The following PRDM8 variants were observed in gnomAD, a reference collection of about 807,000 sequenced individuals.
The protein encoded by PRDM8 is PR domain zinc finger protein 8.
Under a neutral mutation model 46.5 loss-of-function variants are expected in PRDM8, and 13 were observed. The ratio of observed to expected loss-of-function variants is 0.28; its 90% CI spans 0.18 to 0.44. PRDM8 has a LOEUF of 0.44. Ranked by LOEUF, PRDM8 falls within the 20% of genes least tolerant of loss-of-function variation. The pLI is 1.00. For synonymous variants in PRDM8, 473 were observed against 438.4 expected (o/e 1.08, Z -0.98); for missense variants, 998 against 955.0 (o/e 1.04, Z -0.59).
In PRDM8 at chr4:80,202,030, C is replaced by T; in HGVS notation, c.568C>T (p.Gln190Ter). Residue 190 changes from glutamine to a stop codon, truncating the protein, a stop_gained, in exon 4 of 4, where the codon CAA becomes TAA. Transcript: ENST00000415738. LOFTEE classifies it high-confidence loss of function. ...KRLHSADISPQDEQGGGVGTK... is the reference protein window; with the variant it reads ...KRLHSADISP ...ACTTCACAGCGCTGATATAAGTCCC[C>T]AAGACGAACAAGGCGGCGGCGTGGG... The T allele has an allele frequency of 3.1e-6, 5 of 1,614,130 alleles. No homozygotes were observed. Among genetic ancestry groups the T allele is most frequent in the Non-Finnish European group, 4.2e-6 (5 of 1,180,022 alleles).
chr4:80,201,877 CGT>C, intron 3 of PRDM8, 35 bp from the exon 4 acceptor site: 4 of 1,387,672 alleles, frequency 2.9e-6, no homozygotes, highest in African/African-American at 1.8e-5. Flanking sequence ...TGTGTGTGTG[CGT>C]GCGTGCGTGT....
rs1455395711 is a variant in PRDM8, at chr4:80,202,310, TCAGCAGCGGTAG to T, written c.850_861del (p.Ser284_Ser287del). The T allele has an allele frequency of 1.2e-5, 20 of 1,601,772 alleles. No homozygotes were observed. The highest frequency in any genetic ancestry group is 3.3e-4 in the Middle Eastern group (2 of 6,012). On this transcript the variant is annotated inframe_deletion, in exon 4 of 4. Transcript: ENST00000415738. ...AGCAGCTGCTCCCCAGCCCAGAGCC[TCAGCAGCGGTAG>T]CGGCAGCGGCGGCGGCGGCGGCCAC...
intron 1 of PRDM8, among the ~76,000 whole-genome samples, chr4:80,198,980 GTTTTTTTTTTTTTGTT>G (rs1172337351): frequency 0.026 from 2,707 of 104,156 alleles, 121 homozygotes; most frequent in African/African-American, 0.09. Context: ...GTTTTTTTGG[GTTTTTTTTTTTTTGTT>G]TTTTTTTTTT....
intron 1 of PRDM8, among the ~76,000 whole-genome samples, chr4:80,189,324 G>A (rs914873680): frequency 1.3e-5 from 2 of 151,986 alleles, no homozygotes; most frequent in African/African-American, 4.8e-5. Flanking sequence ...CAGGCCTAAA[G>A]AAAGAACTTG....
chr4:80,192,479 G>T (rs1479425742), intron 2 of PRDM8, among the ~76,000 whole-genome samples: 1 of 152,138 alleles, frequency 6.6e-6, no homozygotes, highest in Non-Finnish European at 1.5e-5. Flanking sequence ...ACACCAATTT[G>T]AGACTGCTAG....
In PRDM8 at chr4:80,197,714, C is replaced by G; in HGVS notation, c.-52C>G. On this transcript the variant is annotated 5_prime_UTR_variant, in exon 1 of 4. Transcript: ENST00000415738. Reference sequence around the variant, plus strand: ...AAAGGAAACACTCGATTGCATCTTCCCGGTTCCAGGTGGCCTTATTTGGGA... The same window carrying G: ...AAAGGAAACACTCGATTGCATCTTCGCGGTTCCAGGTGGCCTTATTTGGGA... 1 of 982,636 alleles carries G rather than the reference C, an allele frequency of 1.0e-6. No homozygotes were observed. Among genetic ancestry groups the G allele is most frequent in the Non-Finnish European group, 1.2e-6 (1 of 827,010 alleles). The allele number at this position is 982,636 out of a possible 1,614,324, so 60.9% of individuals were successfully genotyped here.
At chr4:80,199,695 G>GTA (rs745873617) in intron 1 of PRDM8, among the ~76,000 whole-genome samples, 6,936 of 140,566 alleles carry the variant, frequency 0.049, 224 homozygotes, top group Middle Eastern at 0.064. Flanking sequence ...TTATATATAT[G>GTA]TATATATATA....
At chr4:80,199,335 T>C (rs1738243225) in intron 1 of PRDM8, among the ~76,000 whole-genome samples, 1 of 152,132 alleles carries the variant, frequency 6.6e-6, no homozygotes, top group Non-Finnish European at 1.5e-5. Flanking sequence ...GGATTCACTC[T>C]CATCCATAAA....
At chr4:80,201,859 CGTGTGTGTGT>C in intron 3 of PRDM8, 45 bp from the exon 4 acceptor site, 4 of 1,405,222 alleles carry the variant, frequency 2.8e-6, no homozygotes, top group Non-Finnish European at 3.9e-6. Flanking sequence ...ATGTGGTGTG[CGTGTGTGTGT>C]GTGTGTGCGT....
chr4:80,187,418 A>T (rs1483280849), intron 1 of PRDM8, among the ~76,000 whole-genome samples: 1 of 152,112 alleles, frequency 6.6e-6, no homozygotes, highest in Admixed American at 6.5e-5. Context: ...ACTGGTATTG[A>T]AGGAGAGGGG....
chr4:80,199,150 C>T (rs1458621980), intron 1 of PRDM8, among the ~76,000 whole-genome samples: 1 of 151,950 alleles, frequency 6.6e-6, no homozygotes, highest in Non-Finnish European at 1.5e-5. Flanking sequence ...GAGGAGTGCT[C>T]AAGCAGGGCT....
intron 2 of PRDM8, 28 bp from the exon 3 acceptor site, chr4:80,201,257 TTCTTG>T (rs1167323358): frequency 2.5e-6 from 4 of 1,592,818 alleles, no homozygotes; most frequent in African/African-American, 2.7e-5. Context: ...CCCCCTCTCC[TTCTTG>T]TCTTCTTTCA....
At chr4:80,201,085 T>C (rs1014577565) in intron 2 of PRDM8, among the ~76,000 whole-genome samples, 2 of 152,208 alleles carry the variant, frequency 1.3e-5, no homozygotes, top group Admixed American at 6.5e-5. Flanking sequence ...TGATGCAGTG[T>C]TTCAAAGAAT....
At position 80,201,337 on chromosome 4, in the gene PRDM8, G is replaced by T. The variant is rs1738423050; in HGVS notation, c.267G>T (p.Leu89=). Residue 89 remains leucine (L), a synonymous_variant, in exon 3 of 4, where the codon CTG becomes CTT. Transcript: ENST00000415738. Reference sequence around the variant, plus strand: ...GTTCCTCAGAAGGTCTCATGTGGCTGCGGTTGGTCCAATCGGCCAGAGATA... The same window carrying T: ...GTTCCTCAGAAGGTCTCATGTGGCTTCGGTTGGTCCAATCGGCCAGAGATA... ...ANGSSEGLMW[L]RLVQSARDKE... 6.2e-7 allele frequency: 1 copy of T among 1,614,106 alleles called. No individual in the cohort carries two copies. The highest frequency in any genetic ancestry group is 1.3e-5 in the African/African-American group (1 of 74,932).
intron 1 of PRDM8, among the ~76,000 whole-genome samples, chr4:80,190,912 A>T (rs1737494067): frequency 6.6e-6 from 1 of 152,222 alleles, no homozygotes; most frequent in African/African-American, 2.4e-5. Flanking sequence ...TGGAACATAG[A>T]TGTCTTAGGA....
At chr4:80,199,737 G>GTGTGTGTGTGTGTGTGTGTGTGTGTGTA (rs1553905032) in intron 1 of PRDM8, among the ~76,000 whole-genome samples, 78 of 140,574 alleles carry the variant, frequency 5.5e-4, no homozygotes, top group Non-Finnish European at 7.5e-4. Flanking sequence ...GTGTGTGTGT[G>GTGTGTGTGTGTGTGTGTGTGTGTGTGTA]TACATATATA....
chr4:80,202,336 G>A lies in PRDM8; in HGVS notation c.874G>A (p.Gly292Ser). ...SLSSGSGSGGGGGHQEAELSP... is the reference protein window; with the variant it reads ...SLSSGSGSGGSGGHQEAELSP... ...CAGCAGCGGTAGCGGCAGCGGCGGC[G>A]GCGGCGGCCACCAGGAGGCGGAGCT... The change falls in exon 4 of 4, where the codon GGC becomes AGC. Residue 292 changes from glycine (G) to serine (S), a missense_variant. Physicochemically the swap from Gly to Ser is moderately conservative, Grantham distance 56. Transcript: ENST00000415738. 8 of 1,606,364 alleles carry A rather than the reference G, an allele frequency of 5.0e-6. No homozygotes were observed. The highest frequency in any genetic ancestry group is 6.8e-6 in the Non-Finnish European group (8 of 1,177,078).
chr4:80,192,251 C>T (rs1560467615), intron 2 of PRDM8, among the ~76,000 whole-genome samples: 1 of 152,090 alleles, frequency 6.6e-6, no homozygotes, highest in Non-Finnish European at 1.5e-5. Context: ...GTAGTCTGCC[C>T]AGGATATATA....
At chr4:80,201,551 C>T (rs961158799) in intron 3 of PRDM8, 30 bp downstream of exon 3, 1 of 1,597,406 alleles carries the variant, frequency 6.3e-7, no homozygotes, top group Non-Finnish European at 8.6e-7. Flanking sequence ...GCGTGTGGGC[C>T]CTTAACTAGC....
Sources: allele counts gnomAD v4.1 joint callset (sites outside exome capture counted in the v4.1 genomes callset), GRCh38; gene constraint gnomAD v4.1.1; transcripts MANE v1.5; gene names NCBI Gene and HGNC (gene_info 2026-07-23, HGNC 2026-07-21).